Variants in PHACTR3 observed in about 807,000 individuals in gnomAD.
The protein encoded by PHACTR3 is protein phosphatase 1, regulatory subunit 123.
PHACTR3 carries 16 observed loss-of-function variants against 66.8 expected under a neutral mutation model. The ratio of observed to expected loss-of-function variants is 0.24; its 90% CI spans 0.16 to 0.36. The LOEUF (loss-of-function observed/expected upper bound fraction) is 0.36. Among genes scored for constraint, PHACTR3 ranks in the 10% least tolerant of loss-of-function variants. The pLI is 1.00. For missense variants in PHACTR3, 647 were observed against 719.9 expected (o/e 0.90, Z 1.16); for synonymous variants, 323 against 292.1 (o/e 1.11, Z -1.08).
At chr20:59,596,586 G>A (rs2033330988) in intron 1 of PHACTR3, among the ~76,000 whole-genome samples, 1 of 152,204 alleles carries the variant, frequency 6.6e-6, no homozygotes, top group African/African-American at 2.4e-5. Flanking sequence ...TTTAATGCCT[G>A]CTCAAATTCT....
At chr20:59,836,434 C>A in intron 8 of PHACTR3, 71 bp from the exon 9 acceptor site, 1 of 1,485,278 alleles carries the variant, frequency 6.7e-7, no homozygotes, top group Non-Finnish European at 9.2e-7. Context: ...ACCTCTCATC[C>A]TTGCAGACCC....
intron 8 of PHACTR3, 113 bp from the exon 9 acceptor site, chr20:59,836,392 T>A (rs1372846615): frequency 3.3e-6 from 3 of 915,924 alleles, no homozygotes; most frequent in Non-Finnish European, 3.2e-6. Flanking sequence ...TCCTTCCAAT[T>A]TTGGGAGGCG....
intron 7 of PHACTR3, among the ~76,000 whole-genome samples, chr20:59,793,190 A>G (rs375349995): frequency 6.6e-6 from 1 of 152,096 alleles, no homozygotes; most frequent in Non-Finnish European, 1.5e-5. Flanking sequence ...CACCCAGCCT[A>G]TAGTAGTATA....
intron 4 of PHACTR3, among the ~76,000 whole-genome samples, chr20:59,764,298 G>A (rs2040103605): frequency 6.7e-6 from 1 of 150,012 alleles, no homozygotes; most frequent in South Asian, 2.1e-4. Context: ...CCTGGTATGA[G>A]GACACTGACC....
chr20:59,789,161 C>T (rs2041015428), intron 7 of PHACTR3, among the ~76,000 whole-genome samples: 2 of 152,226 alleles, frequency 1.3e-5, no homozygotes, highest in Non-Finnish European at 2.9e-5. Context: ...CATAATTGAT[C>T]TCCCTGGTTT....
intron 1 of PHACTR3, among the ~76,000 whole-genome samples, chr20:59,665,511 ATT>A (rs11475736): frequency 1.3e-5 from 2 of 150,908 alleles, no homozygotes; most frequent in East Asian, 1.9e-4. Context: ...TCATATTACG[ATT>A]TTTTTTTTCC....
At chr20:59,659,209 C>G (rs1568683214) in intron 1 of PHACTR3, among the ~76,000 whole-genome samples, 1 of 151,872 alleles carries the variant, frequency 6.6e-6, no homozygotes, top group Non-Finnish European at 1.5e-5. Flanking sequence ...TGTCTGTTTC[C>G]TCTTTTTGAT....
At chr20:59,810,289 G>A (rs961790430) in intron 8 of PHACTR3, among the ~76,000 whole-genome samples, 1 of 152,316 alleles carries the variant, frequency 6.6e-6, no homozygotes, top group Admixed American at 6.5e-5. Context: ...GGGCCCTGTG[G>A]CTTGTTTTTA....
intron 4 of PHACTR3, among the ~76,000 whole-genome samples, chr20:59,765,732 C>A (rs1420770843): frequency 6.6e-6 from 1 of 152,172 alleles, no homozygotes; most frequent in African/African-American, 2.4e-5. Context: ...CCTCCCTGAC[C>A]ACTGTGTTTT....
intron 1 of PHACTR3, among the ~76,000 whole-genome samples, chr20:59,638,177 G>T (rs2146413786): frequency 6.6e-6 from 1 of 152,320 alleles, no homozygotes; most frequent in East Asian, 1.9e-4. Flanking sequence ...CATGTTGAAA[G>T]TGCTCTTGTA....
chr20:59,831,513 C>T (rs901504671), intron 8 of PHACTR3, among the ~76,000 whole-genome samples: 3 of 152,132 alleles, frequency 2.0e-5, no homozygotes, highest in Non-Finnish European at 4.4e-5. Context: ...TCCCCAGCTC[C>T]AGGCGGCACC....
chr20:59,752,827 T>TG (rs1460685461), intron 3 of PHACTR3, among the ~76,000 whole-genome samples: 1 of 152,214 alleles, frequency 6.6e-6, no homozygotes, highest in Non-Finnish European at 1.5e-5. Context: ...CAGCCTTGCC[T>TG]GTCACATAGG....
At chr20:59,631,865 G>T (rs1049014521) in intron 1 of PHACTR3, among the ~76,000 whole-genome samples, 2 of 152,176 alleles carry the variant, frequency 1.3e-5, no homozygotes, top group African/African-American at 4.8e-5. Context: ...TGTATGAACG[G>T]GAATGCCTGT....
In PHACTR3 at chr20:59,844,403, TCATC is replaced by T. The variant is rs375274638; in HGVS notation, c.1588-783_1588-780del. 409 of 152,180 alleles carry T rather than the reference TCATC, an allele frequency of 2.7e-3. 2 individuals are homozygous for T. The highest frequency in any genetic ancestry group is 9.5e-3 in the African/African-American group (394 of 41,544). The allele number at this position is 152,180 out of a possible 1,614,324, so 9.4% of individuals were successfully genotyped here. On this transcript the variant is annotated intron_variant, in intron 11 of 12. Coordinates refer to ENST00000371015, the MANE Select transcript of PHACTR3 (RefSeq NM_080672.5). ...TATTAACAATAGCCAAGATACAAAATCATCCAAGTGTCCATCAATAGATTAATGG... is the reference window on the plus strand; with the variant it reads ...TATTAACAATAGCCAAGATACAAAATCAAGTGTCCATCAATAGATTAATGG...
chr20:59,755,935 C>G (rs1424973299), intron 4 of PHACTR3, among the ~76,000 whole-genome samples: 1 of 152,098 alleles, frequency 6.6e-6, no homozygotes, highest in East Asian at 1.9e-4. Flanking sequence ...TGCTCCAAGC[C>G]TCAGTTTCCC....
At chr20:59,605,262 C>T (rs1339274211) in intron 1 of PHACTR3, 130 bp downstream of exon 1, 2 of 564,602 alleles carry the variant, frequency 3.5e-6, no homozygotes, top group Non-Finnish European at 5.3e-6. Context: ...GCGCTCGGCC[C>T]CGCGGTTCCT....
intron 1 of PHACTR3, among the ~76,000 whole-genome samples, chr20:59,717,585 C>T (rs2038137003): frequency 6.6e-6 from 1 of 152,226 alleles, no homozygotes; most frequent in South Asian, 2.1e-4. Context: ...TCGCTCACAG[C>T]CTGGTGCATG....
chr20:59,615,427 G>A (rs2033993886), intron 1 of PHACTR3, among the ~76,000 whole-genome samples: 1 of 152,328 alleles, frequency 6.6e-6, no homozygotes, highest in East Asian at 1.9e-4. Flanking sequence ...CATCCGGGAA[G>A]CTCATGGTCT....
chr20:59,656,713 C>A (rs1337886216), intron 1 of PHACTR3, among the ~76,000 whole-genome samples: 6 of 150,652 alleles, frequency 4.0e-5, no homozygotes, highest in African/African-American at 1.5e-4. Flanking sequence ...CTTTTTTGTT[C>A]CTCTATTTTT....
Sources: allele counts gnomAD v4.1 joint callset (sites outside exome capture counted in the v4.1 genomes callset), GRCh38; gene constraint gnomAD v4.1.1; transcripts MANE v1.5; gene names NCBI Gene and HGNC (gene_info 2026-07-23, HGNC 2026-07-21).